Variants in NUDT7 observed in about 807,000 individuals in gnomAD.
NUDT7 encodes peroxisomal coenzyme A diphosphatase NUDT7.
NUDT7 carries 19 observed loss-of-function variants against 13.1 expected under a neutral mutation model. That is an observed-to-expected ratio of 1.45 (90% CI 1.01 to 2.13). The LOEUF (loss-of-function observed/expected upper bound fraction) is 2.13, where lower values mean the gene tolerates loss of function less well. Ranked by LOEUF, NUDT7 falls within the 30% of genes most tolerant of loss-of-function variation. NUDT7 has a pLI of 0.00. For missense variants in NUDT7, 360 were observed against 291.7 expected, an observed-to-expected ratio of 1.23 and a Z score of -1.71; for synonymous variants, 132 against 109.7, an observed-to-expected ratio of 1.20 and a Z score of -1.27.
In NUDT7 at chr16:77,738,867, C is replaced by G. The variant is rs2014571472; in HGVS notation, c.349-2715C>G. The stretch of plus-strand genomic sequence containing the variant: ...ATACCCAGGAGTATGAGCAACACAT[C>G]TGTGGTCGAATCCAGTTTCTGCCAA... On this transcript the variant is annotated intron_variant, in intron 3 of 3. Transcript: ENST00000268533. Among the ~76,000 whole-genome samples, 3 of 152,244 alleles carry G rather than the reference C, an allele frequency of 2.0e-5. No homozygotes were observed. In the South Asian group the frequency reaches 6.2e-4, roughly 31 times the overall value.
intron 1 of NUDT7, among the ~76,000 whole-genome samples, chr16:77,723,418 C>A (rs555484913): frequency 3.3e-5 from 5 of 152,184 alleles, no homozygotes; most frequent in Non-Finnish European, 7.4e-5. Context: ...ATAGCAAATA[C>A]CTCCTGCAAA....
At chr16:77,727,435 G>A (rs568752848) in intron 2 of NUDT7, among the ~76,000 whole-genome samples, 44 of 152,260 alleles carry the variant, frequency 2.9e-4, no homozygotes, top group South Asian at 1.9e-3. Flanking sequence ...CAGAAATGCC[G>A]TGAACTCAGG....
At chr16:77,732,677 G>C (rs1269829900) in intron 2 of NUDT7, among the ~76,000 whole-genome samples, 1 of 152,190 alleles carries the variant, frequency 6.6e-6, no homozygotes, top group Non-Finnish European at 1.5e-5. Context: ...TATAGCCTAG[G>C]TTTATAGTAG....
At chr16:77,724,050 G>C (rs1178094930) in intron 1 of NUDT7, among the ~76,000 whole-genome samples, 1 of 152,106 alleles carries the variant, frequency 6.6e-6, no homozygotes, top group Non-Finnish European at 1.5e-5. Context: ...CAATAGAAAT[G>C]GTCTCTCATG....
intron 1 of NUDT7, among the ~76,000 whole-genome samples, chr16:77,724,055 C>G (rs765767466): frequency 3.9e-4 from 60 of 152,276 alleles, no homozygotes; most frequent in Admixed American, 5.9e-4. Flanking sequence ...GAAATGGTCT[C>G]TCATGGCTAT....
intron 2 of NUDT7, among the ~76,000 whole-genome samples, chr16:77,735,028 T>A (rs1480265876): frequency 1.3e-5 from 2 of 152,222 alleles, no homozygotes; most frequent in Non-Finnish European, 2.9e-5. Flanking sequence ...CTTATAGGAC[T>A]GTTCTGAGGA....
intron 2 of NUDT7, among the ~76,000 whole-genome samples, chr16:77,727,398 T>C (rs2014170822): frequency 7.5e-6 from 1 of 134,186 alleles, no homozygotes; most frequent in African/African-American, 3.4e-5. Flanking sequence ...AGTAGACTTG[T>C]GTGGATTGTG....
At chr16:77,737,669 T>C (rs777870819) in intron 3 of NUDT7, among the ~76,000 whole-genome samples, 3 of 152,088 alleles carry the variant, frequency 2.0e-5, no homozygotes, top group African/African-American at 4.8e-5. Context: ...GTATTTTTAG[T>C]AGAGACGGGG....
chr16:77,736,085 A>G, intron 3 of NUDT7, 99 bp downstream of exon 3: 1 of 1,133,032 alleles, frequency 8.8e-7, no homozygotes, highest in South Asian at 1.4e-5. Context: ...CCCAAAGAGT[A>G]CTGTACATAA....
chr16:77,735,768 A>T (rs972721047), intron 2 of NUDT7, 60 bp from the exon 3 acceptor site: 1 of 1,455,540 alleles, frequency 6.9e-7, no homozygotes, highest in African/African-American at 1.4e-5. Context: ...TATTTGTTGA[A>T]TGCATAAATA....
chr16:77,738,018 G>A (rs1054124915), intron 3 of NUDT7, among the ~76,000 whole-genome samples: 2 of 152,188 alleles, frequency 1.3e-5, no homozygotes, highest in South Asian at 4.2e-4. Flanking sequence ...TTTGCAAAAA[G>A]CTAGTGGCCA....
At chr16:77,730,031 A>G (rs2014266715) in intron 2 of NUDT7, among the ~76,000 whole-genome samples, 1 of 152,010 alleles carries the variant, frequency 6.6e-6, no homozygotes. Flanking sequence ...ATGGTAACAT[A>G]TCACCACACA....
chr16:77,732,860 CGTT>C (rs1450144199), intron 2 of NUDT7, among the ~76,000 whole-genome samples: 2 of 152,144 alleles, frequency 1.3e-5, no homozygotes, highest in Non-Finnish European at 2.9e-5. Flanking sequence ...CTTGGAGGTG[CGTT>C]TGTCCCTGGC....
At chr16:77,722,643 C>T in intron 1 of NUDT7, 26 bp downstream of exon 1, 25 of 1,580,656 alleles carry the variant, frequency 1.6e-5, no homozygotes, top group Non-Finnish European at 2.2e-5. Context: ...GCCCTGGCAC[C>T]CCGAGCTTGG....
rs117164857 is a variant in NUDT7, at chr16:77,727,250, G to C, written c.189+1666G>C. Among the ~76,000 whole-genome samples the C allele has an allele frequency of 8.4e-3, 1,279 of 152,266 alleles. 3 individuals carry two copies. Among genetic ancestry groups the C allele is most frequent in the Non-Finnish European group, 0.014 (957 of 68,040 alleles). On this transcript the variant is annotated intron_variant, in intron 2 of 3. Transcript: ENST00000268533. ...GTGGGGAACTTCCAAGGAAAAGCTG[G>C]TGAAGCAGTCATTTTAAGCTTATCC... is the stretch of plus-strand genomic sequence containing the variant.
intron 2 of NUDT7, among the ~76,000 whole-genome samples, chr16:77,732,258 T>G (rs2914454): frequency 0.96 from 145,361 of 151,932 alleles, 69,763 homozygotes; most frequent in South Asian, 0.99. Context: ...AACTCAGGAG[T>G]CAGAGGCTGC....
Position 77,742,179 on chromosome 16 carries a change from G to T in NUDT7, c.*229G>T. On this transcript the variant is annotated 3_prime_UTR_variant, in exon 4 of 4. Coordinates refer to ENST00000268533, the MANE Select transcript of NUDT7 (RefSeq NM_001105663.3). The stretch of plus-strand genomic sequence containing the variant: ...TGTTGCATATTTTCACCCACAATAT[G>T]TTAATAATATTTTTCTTACACATAT... The T allele has an allele frequency of 9.0e-7, 1 of 1,108,030 alleles. No homozygotes were observed. 68.6% of individuals were successfully genotyped at this position (1,108,030 alleles called of 1,614,324 possible).
chr16:77,725,219 T>A (rs1457687035), intron 1 of NUDT7, among the ~76,000 whole-genome samples: 2 of 152,222 alleles, frequency 1.3e-5, no homozygotes, highest in Non-Finnish European at 2.9e-5. Context: ...TGTACTAAAC[T>A]GTGTGCTTAG....
chr16:77,734,127 C>G (rs746470430), intron 2 of NUDT7, among the ~76,000 whole-genome samples: 2 of 149,620 alleles, frequency 1.3e-5, no homozygotes, highest in Non-Finnish European at 3.0e-5. Context: ...AACATAGATG[C>G]CAACACAATG....
Sources: gnomAD v4.1 joint callset for allele counts (sites outside exome capture counted in the v4.1 genomes callset) on GRCh38, gnomAD v4.1.1 for gene constraint, MANE v1.5 for transcripts, NCBI Gene and HGNC (gene_info 2026-07-23, HGNC 2026-07-21) for gene names.